Variants in RAB3GAP2 observed in about 807,000 individuals in gnomAD.
The protein encoded by RAB3GAP2 is RAB3 GTPase activating non-catalytic protein subunit 2.
In RAB3GAP2, 87 loss-of-function variants were observed where a neutral mutation model predicts 185.3. The ratio of observed to expected loss-of-function variants is 0.47; its 90% confidence interval spans 0.39 to 0.56. The LOEUF (loss-of-function observed/expected upper bound fraction) is 0.56, where lower values mean the gene tolerates loss of function less well. Ranked by LOEUF, RAB3GAP2 falls within the 20% of genes least tolerant of loss-of-function variation. RAB3GAP2 has a pLI of 0.00. For missense variants in RAB3GAP2, 1,492 were observed against 1,638.2 expected (o/e 0.91, Z 1.54); for synonymous variants, 554 against 576.1 (o/e 0.96, Z 0.55).
At chr1:220,248,879 T>C (rs1035116303) in intron 1 of RAB3GAP2, among the ~76,000 whole-genome samples, 1 of 152,176 alleles carries the variant, frequency 6.6e-6, no homozygotes, top group African/African-American at 2.4e-5. Flanking sequence ...CTCTCACTCA[T>C]TCTCCTTCCT....
At chr1:220,230,052 G>A (rs777168859) in intron 2 of RAB3GAP2, among the ~76,000 whole-genome samples, 1 of 152,120 alleles carries the variant, frequency 6.6e-6, no homozygotes, top group Admixed American at 6.6e-5. Context: ...GAATCTCCAA[G>A]CTTGTTTACA....
At chr1:220,187,481 G>C (rs556227212) in intron 17 of RAB3GAP2, among the ~76,000 whole-genome samples, 27 of 152,316 alleles carry the variant, frequency 1.8e-4, no homozygotes, top group African/African-American at 5.5e-4. Context: ...GTGGTTACCA[G>C]TGGAACCAAC....
At chr1:220,188,410 A>G (rs766040789) in intron 17 of RAB3GAP2, among the ~76,000 whole-genome samples, 2 of 152,210 alleles carry the variant, frequency 1.3e-5, no homozygotes, top group Non-Finnish European at 2.9e-5. Context: ...GGATCGAAGC[A>G]TTATGTAAGA....
rs1658720727 is a variant in RAB3GAP2, at chr1:220,196,239, A to G, written c.960+11T>C. On this transcript the variant is annotated intron_variant, in intron 10 of 34. Coordinates refer to ENST00000358951, the MANE Select transcript of RAB3GAP2 (RefSeq NM_012414.4). The stretch of plus-strand genomic sequence containing the variant: ...AGCAGCCTTACTCATGATCATTGAT[A>G]AAACTCATACCTCTAAAGCATAGAA... 1 of 1,611,672 alleles carries G rather than the reference A, an allele frequency of 6.2e-7. No individual in the cohort carries two copies. Among genetic ancestry groups the G allele is most frequent in the African/African-American group, 1.3e-5 (1 of 74,896 alleles).
At chr1:220,156,740 T>C (rs771511895) in intron 31 of RAB3GAP2, among the ~76,000 whole-genome samples, 85 of 152,280 alleles carry the variant, frequency 5.6e-4, no homozygotes, top group Middle Eastern at 3.4e-3. Flanking sequence ...GAATTTACAA[T>C]GAAGAAAATT....
At chr1:220,258,244 C>T (rs746290107) in intron 1 of RAB3GAP2, among the ~76,000 whole-genome samples, 1 of 152,074 alleles carries the variant, frequency 6.6e-6, no homozygotes, top group Non-Finnish European at 1.5e-5. Context: ...ATGAGACCAG[C>T]ATCATCTTGA....
intron 9 of RAB3GAP2, among the ~76,000 whole-genome samples, chr1:220,201,402 T>C (rs1373393706): frequency 6.6e-6 from 1 of 152,210 alleles, no homozygotes; most frequent in Non-Finnish European, 1.5e-5. Flanking sequence ...AATTTGTCTG[T>C]AGAAAAATTA....
At chr1:220,266,856 C>T (rs780317476) in intron 1 of RAB3GAP2, 68 of 1,597,044 alleles carry the variant, frequency 4.3e-5, no homozygotes, top group Non-Finnish European at 5.8e-5. Flanking sequence ...CTGGCTCCCT[C>T]TGTTACAAAG....
At chr1:220,249,753 C>G (rs1659896798) in intron 1 of RAB3GAP2, among the ~76,000 whole-genome samples, 1 of 152,196 alleles carries the variant, frequency 6.6e-6, no homozygotes, top group Non-Finnish European at 1.5e-5. Context: ...ACTTGATGCT[C>G]TGTGTCCCAG....
rs758754631 is a variant in RAB3GAP2, at chr1:220,190,461, T to C, written c.1547A>G (p.Gln516Arg). 1 of 1,611,300 alleles carries C rather than the reference T, an allele frequency of 6.2e-7. No individual in the cohort carries two copies. Among genetic ancestry groups the C allele is most frequent in the African/African-American group, 1.3e-5 (1 of 74,872 alleles). Residue 516 changes from glutamine (Q) to arginine (R), a missense_variant, in exon 15 of 35, where the codon CAG becomes CGG. By Grantham distance (43) the Gln-to-Arg change is conservative. Around this residue, in one of 5 missense-constraint regions of RAB3GAP2, gnomAD observed 681 missense variants for 689.1 expected, o/e 0.99. Transcript: ENST00000358951. ...CAGACAGATCTGATAAGTCTGTGGC[T>C]GCCAACTCTGACTGGTAACATTATT... The part of the protein sequence containing the change: ...GLNNVTSQSW[Q>R]PQTYQICLVD...
At chr1:220,261,562 T>C (rs1035292258) in intron 1 of RAB3GAP2, among the ~76,000 whole-genome samples, 1 of 152,196 alleles carries the variant, frequency 6.6e-6, no homozygotes, top group Non-Finnish European at 1.5e-5. Context: ...GGCTATCCTA[T>C]TTCTCAGCTC....
At chr1:220,198,405 G>C (rs1401274493) in intron 9 of RAB3GAP2, among the ~76,000 whole-genome samples, 1 of 152,160 alleles carries the variant, frequency 6.6e-6, no homozygotes, top group Non-Finnish European at 1.5e-5. Context: ...AAGGCTGTTT[G>C]AGACTAATTT....
At chr1:220,170,758 A>C in intron 24 of RAB3GAP2, 134 bp downstream of exon 24, 1 of 762,436 alleles carries the variant, frequency 1.3e-6, no homozygotes, top group Non-Finnish European at 2.2e-6. Context: ...ATTTAAAGGT[A>C]GTATATAGAA....
intron 19 of RAB3GAP2, among the ~76,000 whole-genome samples, chr1:220,183,422 A>AT (rs968315749): frequency 2.9e-4 from 43 of 147,372 alleles, no homozygotes; most frequent in East Asian, 1.2e-3. Flanking sequence ...CTAATTAAAA[A>AT]TTTTTTTTTT....
At chr1:220,228,520 G>A (rs753919374) in intron 2 of RAB3GAP2, among the ~76,000 whole-genome samples, 2 of 152,148 alleles carry the variant, frequency 1.3e-5, no homozygotes, top group Non-Finnish European at 2.9e-5. Flanking sequence ...CCATAGTGCC[G>A]TTTTTGTTCC....
At chr1:220,264,569 G>A (rs1214782823) in intron 1 of RAB3GAP2, among the ~76,000 whole-genome samples, 1 of 151,866 alleles carries the variant, frequency 6.6e-6, no homozygotes, top group Non-Finnish European at 1.5e-5. Context: ...TGATCCCAAG[G>A]TACTCTTACT....
At chr1:220,195,494 C>T (rs759343159) in intron 10 of RAB3GAP2, 117 bp from the exon 11 acceptor site, 10 of 939,472 alleles carry the variant, frequency 1.1e-5, no homozygotes, top group Non-Finnish European at 1.7e-5. Flanking sequence ...GGACTAGCAA[C>T]TCAGCTTCTT....
intron 24 of RAB3GAP2, among the ~76,000 whole-genome samples, chr1:220,168,316 T>C (rs1298662257): frequency 2.6e-5 from 4 of 152,194 alleles, no homozygotes; most frequent in Non-Finnish European, 2.9e-5. Flanking sequence ...GGTCTCGAAC[T>C]CCTGACCTCA....
In RAB3GAP2 at chr1:220,167,295, C is replaced by A. The variant is rs587777170; in HGVS notation, c.3085G>T (p.Glu1029Ter). 6.2e-7 allele frequency: 1 copy of A among 1,612,996 alleles called. No homozygotes were observed. The highest frequency in any genetic ancestry group is 8.5e-7 in the Non-Finnish European group (1 of 1,178,996). ...GAAAGAGGTAACGAGAATCTTACCT[C>A]TGGATCTTTATTCCACTGAACAACG... ...EYVVQWNKDP[E>*]EARFFVRSIE... Residue 1029 changes from glutamate (E) to a stop codon, truncating the protein, a stop_gained and splice_region_variant, in exon 26 of 35, where the codon GAG becomes TAG. Transcript: ENST00000358951. LOFTEE classifies it high-confidence loss of function.
Sources: allele counts gnomAD v4.1 joint callset (sites outside exome capture counted in the v4.1 genomes callset), GRCh38; gene constraint gnomAD v4.1.1; regional missense constraint gnomAD v4.1.1; transcripts MANE v1.5; gene names NCBI Gene and HGNC (gene_info 2026-07-23, HGNC 2026-07-21).